Variants in PCDH15 observed in about 807,000 individuals in gnomAD.
PCDH15 encodes the protein protocadherin related 15, also known as protocadherin-15.
In PCDH15, 129 loss-of-function variants were observed where a neutral mutation model predicts 178.5. The observed-to-expected ratio is 0.72, with a 90% CI of 0.63 to 0.84. PCDH15 has a LOEUF of 0.84. PCDH15 is among the 40% of genes least tolerant of loss of function. The pLI is 0.00. For missense variants in PCDH15, 2,230 were observed against 2,099.9 expected (o/e 1.06, Z -1.21); for synonymous variants, 800 against 732.0 (o/e 1.09, Z -1.50).
chr10:54,135,569 A>T (rs2042835643), intron 14 of PCDH15, among the ~76,000 whole-genome samples: 1 of 152,230 alleles, frequency 6.6e-6, no homozygotes, highest in Non-Finnish European at 1.5e-5. Flanking sequence ...CTCCAGAAGC[A>T]GCCCCAAGAT....
chr10:53,866,876 AAAAG>A lies in PCDH15; in HGVS notation c.3502-23_3502-20del. 1 of 1,523,934 alleles carries A rather than the reference AAAAG, an allele frequency of 6.6e-7. No individual in the cohort carries two copies. Among genetic ancestry groups the A allele is most frequent in the South Asian group, 1.1e-5 (1 of 89,076 alleles). The allele number at this position is 1,523,934 out of a possible 1,614,324, so 94.4% of individuals were successfully genotyped here. ...CAGTAGCCTAGACGGAGGGGAAAAA[AAAAG>A]AGATTATAATTAAGCAGGAAAAGAT... On this transcript the variant is annotated intron_variant, in intron 26 of 37. Coordinates refer to ENST00000644397, the MANE Select transcript of PCDH15 (RefSeq NM_001384140.1).
chr10:54,371,817 A>T (rs1178163589), intron 4 of PCDH15, among the ~76,000 whole-genome samples: 1 of 151,954 alleles, frequency 6.6e-6, no homozygotes, highest in African/African-American at 2.4e-5. Context: ...TTATGAGCTA[A>T]AATATTTGTG....
chr10:55,309,496 G>A (rs559592749), intron 1 of PCDH15, among the ~76,000 whole-genome samples: 2 of 150,946 alleles, frequency 1.3e-5, no homozygotes, highest in South Asian at 4.2e-4. Flanking sequence ...CTCTCATTCT[G>A]GACAACAGAA....
chr10:54,756,720 AAGAGAGAGAG>A (rs61202887), intron 1 of PCDH15, among the ~76,000 whole-genome samples: 14 of 150,854 alleles, frequency 9.3e-5, no homozygotes, highest in African/African-American at 1.9e-4. Context: ...ATGTATGTGA[AAGAGAGAGAG>A]AGAGAGAGAG....
chr10:53,839,830 C>A (rs1427509272), intron 29 of PCDH15, among the ~76,000 whole-genome samples: 1 of 151,978 alleles, frequency 6.6e-6, no homozygotes, highest in Non-Finnish European at 1.5e-5. Context: ...AGAGCATGAA[C>A]TTAAATGGGA....
Position 53,828,207 on chromosome 10 carries a change from CAAAAAAAAAAAAAA to C in PCDH15, c.4211+344_4211+357del, listed in dbSNP as rs71004480. 2.6e-4 allele frequency among the ~76,000 whole-genome samples: 14 copies of C among 53,772 alleles called. No individual in the cohort carries two copies. In the East Asian group the frequency reaches 4.8e-3, roughly 19 times the overall value. 35.3% of individuals were successfully genotyped at this position (53,772 alleles called of 152,430 possible). A position where few individuals can be genotyped will look rare whatever the true frequency, so the allele number is the denominator to read the frequency against. On this transcript the variant is annotated intron_variant, in intron 31 of 37. Coordinates refer to ENST00000644397, the MANE Select transcript of PCDH15 (RefSeq NM_001384140.1). ...GCCAACAAGAGCAAAAAGTCCGTCT[CAAAAAAAAAAAAAA>C]AAAAAAAAAAAAAAAAAAAATTCCT...
chr10:54,098,710 T>A (rs1009964415), intron 15 of PCDH15, among the ~76,000 whole-genome samples: 2 of 152,196 alleles, frequency 1.3e-5, no homozygotes, highest in African/African-American at 2.4e-5. Context: ...TTTCCAACCT[T>A]TCTATGAAGG....
intron 21 of PCDH15, among the ~76,000 whole-genome samples, chr10:53,967,089 C>T (rs1259203962): frequency 6.6e-6 from 1 of 152,114 alleles, no homozygotes; most frequent in African/African-American, 2.4e-5. Context: ...TCCCCACATG[C>T]TGTTGGAGGG....
intron 26 of PCDH15, among the ~76,000 whole-genome samples, chr10:53,884,452 G>A (rs769956234): frequency 6.6e-6 from 1 of 152,128 alleles, no homozygotes; most frequent in Non-Finnish European, 1.5e-5. Flanking sequence ...TTGGTGAGCA[G>A]AACATATAGT....
intron 2 of PCDH15, among the ~76,000 whole-genome samples, chr10:55,361,382 A>G (rs1028917543): frequency 1.4e-4 from 21 of 152,064 alleles, no homozygotes; most frequent in African/African-American, 4.3e-4. Context: ...TGGAAAATCA[A>G]ATCATAGCTA....
chr10:55,567,951 C>T (rs1564458081), intron 2 of PCDH15, among the ~76,000 whole-genome samples: 2 of 151,842 alleles, frequency 1.3e-5, no homozygotes, highest in African/African-American at 2.4e-5. Context: ...ACATAAAACC[C>T]TTGTGCACTG....
chr10:54,336,128 T>G lies in PCDH15; in HGVS notation c.595-6422A>C, dbSNP rs113853299. 8.0e-3 allele frequency among the ~76,000 whole-genome samples: 1,211 copies of G among 152,272 alleles called. 12 individuals are homozygous for G. Among genetic ancestry groups the G allele is most frequent in the African/African-American group, 0.026 (1,063 of 41,552 alleles). ...AGATGATTTAGGTTATTTGGTGACATAAGTTTCTAAGTAGCAAAACATTCA... is the reference window on the plus strand; with the variant it reads ...AGATGATTTAGGTTATTTGGTGACAGAAGTTTCTAAGTAGCAAAACATTCA... On this transcript the variant is annotated intron_variant, in intron 6 of 37. Coordinates refer to ENST00000644397, the MANE Select transcript of PCDH15 (RefSeq NM_001384140.1).
intron 14 of PCDH15, among the ~76,000 whole-genome samples, chr10:54,142,819 G>A (rs1368883762): frequency 6.6e-6 from 1 of 151,964 alleles, no homozygotes; most frequent in African/African-American, 2.4e-5. Flanking sequence ...AAAAGGAGAG[G>A]GGAGAGACAG....
chr10:53,908,694 A>C (rs1398162998), intron 25 of PCDH15, among the ~76,000 whole-genome samples: 1 of 152,188 alleles, frequency 6.6e-6, no homozygotes, highest in Admixed American at 6.5e-5. Context: ...CATACACTAG[A>C]CTATATTTTC....
intron 8 of PCDH15, among the ~76,000 whole-genome samples, chr10:54,255,388 A>C (rs2056818892): frequency 6.6e-6 from 1 of 152,182 alleles, no homozygotes; most frequent in South Asian, 2.1e-4. Flanking sequence ...CTCTTCACTT[A>C]GAACTTTCTT....
At chr10:55,096,857 T>C (rs1193323986) in intron 2 of PCDH15, among the ~76,000 whole-genome samples, 1 of 152,086 alleles carries the variant, frequency 6.6e-6, no homozygotes, top group African/African-American at 2.4e-5. Context: ...TAAAAAACAA[T>C]ATAGATTGTA....
At chr10:54,779,488 G>GTATA (rs1555192845) in intron 1 of PCDH15, among the ~76,000 whole-genome samples, 1 of 53,290 alleles carries the variant, frequency 1.9e-5, no homozygotes, top group African/African-American at 9.4e-5. Context: ...ACATATATAT[G>GTATA]TATATATATA....
Position 54,320,244 on chromosome 10 carries a change from C to T in PCDH15, c.706-2803G>A, listed in dbSNP as rs990363426. Among the ~76,000 whole-genome samples, 3 of 152,078 alleles carry T rather than the reference C, an allele frequency of 2.0e-5. 1 individual carries two copies. Among genetic ancestry groups the T allele is most frequent in the South Asian group, 4.1e-4 (2 of 4,826 alleles). On this transcript the variant is annotated intron_variant, in intron 7 of 37. Coordinates refer to ENST00000644397, the MANE Select transcript of PCDH15 (RefSeq NM_001384140.1). ...AAAGTTTATGAAAATGAAGAAAAAA[C>T]AAGGAAATCTATTCTTACCTACATA...
intron 2 of PCDH15, among the ~76,000 whole-genome samples, chr10:54,548,980 T>A (rs1377981950): frequency 6.6e-6 from 1 of 151,788 alleles, no homozygotes; most frequent in South Asian, 2.1e-4. Flanking sequence ...CTTTTTTCAA[T>A]TTATTAACAT....
Sources: gnomAD v4.1 joint callset for allele counts (sites outside exome capture counted in the v4.1 genomes callset) on GRCh38, gnomAD v4.1.1 for gene constraint, MANE v1.5 for transcripts, NCBI Gene and HGNC (gene_info 2026-07-23, HGNC 2026-07-21) for gene names.